UBE2G1: variants seen among roughly 807,000 people sequenced by gnomAD.
UBE2G1 encodes the protein ubiquitin-conjugating enzyme E2 G1.
In UBE2G1, 5 loss-of-function variants were observed where a neutral mutation model predicts 22.7. The observed-to-expected ratio is 0.22, with a 90% CI of 0.12 to 0.46. UBE2G1 has a LOEUF of 0.46. Among genes scored for constraint, UBE2G1 ranks in the 20% least tolerant of loss-of-function variants. The pLI, the probability that UBE2G1 is intolerant of heterozygous loss-of-function variation, is 0.99. For missense variants in UBE2G1, 88 were observed against 203.9 expected (o/e 0.43, Z 3.46); for synonymous variants, 74 against 67.5 (o/e 1.10, Z -0.47).
intron 2 of UBE2G1, among the ~76,000 whole-genome samples, chr17:4,303,113 C>A (rs1969205308): frequency 1.3e-5 from 2 of 151,980 alleles, no homozygotes; most frequent in Non-Finnish European, 2.9e-5. Flanking sequence ...CTGGTAGGGG[C>A]ATAATGCTAG....
intron 1 of UBE2G1, among the ~76,000 whole-genome samples, chr17:4,334,787 C>G (rs1969624857): frequency 6.6e-6 from 1 of 152,130 alleles, no homozygotes; most frequent in Non-Finnish European, 1.5e-5. Context: ...GATCCACCCG[C>G]CTCAGCATCC....
chr17:4,296,587 T>C (rs1969115334), intron 3 of UBE2G1, 130 bp downstream of exon 3: 18 of 909,664 alleles, frequency 2.0e-5, no homozygotes, highest in Admixed American at 1.2e-4. Flanking sequence ...TACACAGCCA[T>C]GTGCACAATG....
In UBE2G1 at chr17:4,348,350, G is replaced by C. The variant is rs1969805032; in HGVS notation, c.46+17921C>G. 2.7e-5 allele frequency among the ~76,000 whole-genome samples: 4 copies of C among 147,454 alleles called. No individual in the cohort carries two copies. In the South Asian group the frequency reaches 8.7e-4, roughly 32 times the overall value. Reference sequence around the variant, plus strand: ...GGGCGGATCACGAGGTCAGGAGATCGAGACCATCCCGGCTAAAACGGTGAA... The same window carrying C: ...GGGCGGATCACGAGGTCAGGAGATCCAGACCATCCCGGCTAAAACGGTGAA... On this transcript the variant is annotated intron_variant, in intron 1 of 5. Coordinates refer to ENST00000396981, the MANE Select transcript of UBE2G1 (RefSeq NM_003342.5).
chr17:4,289,126 C>CAT, intron 4 of UBE2G1, 104 bp downstream of exon 4: 1 of 886,658 alleles, frequency 1.1e-6, no homozygotes. Flanking sequence ...CACACACACA[C>CAT]ACACGCATGC....
chr17:4,365,048 CCT>C (rs1229563815), intron 1 of UBE2G1, among the ~76,000 whole-genome samples: 1 of 152,194 alleles, frequency 6.6e-6, no homozygotes, highest in Non-Finnish European at 1.5e-5. Context: ...TGTAAGAACC[CCT>C]GACAACCTTT....
intron 1 of UBE2G1, among the ~76,000 whole-genome samples, chr17:4,355,979 CGAG>C (rs993964239): frequency 4.3e-5 from 6 of 140,842 alleles, no homozygotes; most frequent in Non-Finnish European, 9.1e-5. Context: ...GGATTACAGA[CGAG>C]AGCCACTGCA....
chr17:4,284,604 A>C (rs1293717369), intron 4 of UBE2G1, among the ~76,000 whole-genome samples: 1 of 151,808 alleles, frequency 6.6e-6, no homozygotes, highest in African/African-American at 2.4e-5. Flanking sequence ...CTGTCTCAAA[A>C]AAAAAACAAA....
intron 1 of UBE2G1, among the ~76,000 whole-genome samples, chr17:4,349,821 C>T (rs183198175): frequency 6.8e-6 from 1 of 147,926 alleles, no homozygotes; most frequent in African/African-American, 2.6e-5. Flanking sequence ...CCAGTCTCGG[C>T]GACAGAGCGA....
At chr17:4,286,151 TC>T (rs1343031984) in intron 4 of UBE2G1, among the ~76,000 whole-genome samples, 8 of 152,074 alleles carry the variant, frequency 5.3e-5, no homozygotes, top group Admixed American at 5.2e-4. Context: ...ACACCTGTAA[TC>T]CCAACACTTT....
chr17:4,275,282 ATT>A (rs1281940330), intron 5 of UBE2G1, among the ~76,000 whole-genome samples: 2 of 152,238 alleles, frequency 1.3e-5, no homozygotes, highest in Non-Finnish European at 2.9e-5. Flanking sequence ...AGGTTTTGTC[ATT>A]CTTTTCTCCA....
intron 3 of UBE2G1, among the ~76,000 whole-genome samples, chr17:4,294,503 A>C (rs1969085309): frequency 6.6e-6 from 1 of 151,798 alleles, no homozygotes; most frequent in South Asian, 2.1e-4. Context: ...AAAACACACC[A>C]CCATTTTATC....
intron 1 of UBE2G1, among the ~76,000 whole-genome samples, chr17:4,363,987 G>A (rs936119329): frequency 2.0e-5 from 3 of 146,358 alleles, no homozygotes; most frequent in South Asian, 2.2e-4. Context: ...AGATGCAGAC[G>A]GGCACGGTGG....
At position 4,308,874 on chromosome 17, in the gene UBE2G1, T is replaced by C. The variant is rs528182334; in HGVS notation, c.47-1751A>G. Among the ~76,000 whole-genome samples the C allele has an allele frequency of 3.9e-4, 59 of 152,324 alleles. 1 individual carries two copies. The highest frequency in any genetic ancestry group is 1.4e-3 in the African/African-American group (58 of 41,566). The stretch of plus-strand genomic sequence containing the variant: ...ACCAATGTTTAGGTAACTGAGGAGA[T>C]ATTAATTTTTGGGGAAATCAAGAGA... On this transcript the variant is annotated intron_variant, in intron 1 of 5. Coordinates refer to ENST00000396981, the MANE Select transcript of UBE2G1 (RefSeq NM_003342.5).
intron 1 of UBE2G1, among the ~76,000 whole-genome samples, chr17:4,352,601 G>A (rs542776746): frequency 3.5e-4 from 53 of 152,168 alleles, no homozygotes; most frequent in Non-Finnish European, 6.6e-4. Flanking sequence ...GTTAATTTTT[G>A]TAGTAATTTT....
At position 4,357,314 on chromosome 17, in the gene UBE2G1, CTG is replaced by C. The variant is rs571372151; in HGVS notation, c.46+8955_46+8956del. ...ATGCCGGCATATTGTTATCATTGCT[CTG>C]TGTTATTATTGTTGTTAGACTAACA... On this transcript the variant is annotated intron_variant, in intron 1 of 5. Transcript: ENST00000396981. 5.0e-3 allele frequency among the ~76,000 whole-genome samples: 763 copies of C among 152,008 alleles called. 4 individuals are homozygous for C. Among genetic ancestry groups the C allele is most frequent in the Non-Finnish European group, 7.2e-3 (489 of 67,990 alleles).
intron 1 of UBE2G1, among the ~76,000 whole-genome samples, chr17:4,311,996 C>T (rs1348068570): frequency 6.7e-6 from 1 of 149,548 alleles, no homozygotes; most frequent in East Asian, 2.0e-4. Flanking sequence ...CCTGTAATCC[C>T]GACACTTTGG....
At chr17:4,289,551 T>C (rs1378022643) in intron 3 of UBE2G1, 143 bp from the exon 4 acceptor site, 2 of 921,202 alleles carry the variant, frequency 2.2e-6, no homozygotes, top group African/African-American at 3.4e-5. Flanking sequence ...AAATGCAATG[T>C]GTTGACTTTT....
intron 1 of UBE2G1, among the ~76,000 whole-genome samples, chr17:4,338,325 T>C (rs1266817871): frequency 6.6e-6 from 1 of 152,122 alleles, no homozygotes; most frequent in East Asian, 1.9e-4. Context: ...AAGTATAAAA[T>C]ATGTTTCCAG....
At position 4,295,765 on chromosome 17, in the gene UBE2G1, A is replaced by G. The variant is rs565012048; in HGVS notation, c.247+952T>C. On this transcript the variant is annotated intron_variant, in intron 3 of 5. Coordinates refer to ENST00000396981, the MANE Select transcript of UBE2G1 (RefSeq NM_003342.5). ...TTGGGGACTTTATTTTACTTTATAG[A>G]GAATTTTTTTTTTAATTTTTAAATA... Among the ~76,000 whole-genome samples, 7 of 151,622 alleles carry G rather than the reference A, an allele frequency of 4.6e-5. No individual in the cohort carries two copies. In the South Asian group the frequency reaches 1.5e-3, roughly 32 times the overall value.
Sources: allele counts gnomAD v4.1 joint callset (sites outside exome capture counted in the v4.1 genomes callset), GRCh38; gene constraint gnomAD v4.1.1; transcripts MANE v1.5; gene names NCBI Gene and HGNC (gene_info 2026-07-23, HGNC 2026-07-21).